Variants in ZC3H12B observed in about 807,000 individuals in gnomAD.
ZC3H12B encodes probable ribonuclease ZC3H12B.
ZC3H12B carries 7 observed loss-of-function variants against 43.9 expected under a neutral mutation model. The ratio of observed to expected loss-of-function variants is 0.16; its 90% CI spans 0.09 to 0.30. The LOEUF is 0.30. Ranked by LOEUF, ZC3H12B falls within the 10% of genes least tolerant of loss-of-function variation. The probability of loss-of-function intolerance (pLI) is 1.00; values close to 1 mark genes in which losing one functional copy is unlikely to be tolerated. For missense variants in ZC3H12B, 475 were observed against 670.2 expected, an observed-to-expected ratio of 0.71 and a Z score of 3.22; for synonymous variants, 222 against 241.7, an observed-to-expected ratio of 0.92 and a Z score of 0.76.
intron 3 of ZC3H12B, among the ~76,000 whole-genome samples, chrX:65,437,776 C>T (rs1391897682): frequency 1.8e-5 from 2 of 111,664 alleles, no homozygotes; most frequent in African/African-American, 3.3e-5. Context: ...TCCATTTTTG[C>T]TTTTATTGCC....
chrX:65,151,687 A>T, the ZC3H12B span, among the ~76,000 whole-genome samples: 3 of 111,721 alleles, frequency 2.7e-5, no homozygotes, highest in African/African-American at 9.8e-5. Context: ...TTCTGAAACT[A>T]TTCCAATCAA....
At chrX:65,138,596 A>G in the ZC3H12B span, among the ~76,000 whole-genome samples, 1 of 112,063 alleles carries the variant, frequency 8.9e-6, no homozygotes, top group African/African-American at 3.2e-5. Flanking sequence ...TTTTATTCAC[A>G]TATACCCAGC....
the ZC3H12B span, among the ~76,000 whole-genome samples, chrX:65,316,488 G>A: frequency 1.8e-5 from 2 of 111,562 alleles, no homozygotes; most frequent in African/African-American, 6.5e-5. Flanking sequence ...AAGAGATTGG[G>A]GCCTATATTA....
chrX:65,389,586 G>A (rs2066582520), intron 2 of ZC3H12B, among the ~76,000 whole-genome samples: 1 of 112,768 alleles, frequency 8.9e-6, no homozygotes, highest in Non-Finnish European at 1.9e-5. Flanking sequence ...GTGCTTCCCA[G>A]GTGAGGCGAT....
At chrX:65,373,649 C>A (rs1394848930) in intron 2 of ZC3H12B, among the ~76,000 whole-genome samples, 1 of 101,196 alleles carries the variant, frequency 9.9e-6, no homozygotes, top group Non-Finnish European at 2.0e-5. Flanking sequence ...GGACAGAAAA[C>A]CAAACACTGA....
At chrX:65,198,140 A>G in the ZC3H12B span, among the ~76,000 whole-genome samples, 1 of 112,141 alleles carries the variant, frequency 8.9e-6, no homozygotes, top group African/African-American at 3.2e-5. Flanking sequence ...AATTGGAGAA[A>G]CTTATCTAAA....
chrX:65,391,609 G>C (rs1450448191), intron 2 of ZC3H12B, among the ~76,000 whole-genome samples: 3 of 111,741 alleles, frequency 2.7e-5, no homozygotes, highest in African/African-American at 9.8e-5. Flanking sequence ...TGGAGAAACT[G>C]GTCTCTAGGT....
At chrX:65,193,365 G>T in the ZC3H12B span, among the ~76,000 whole-genome samples, 1 of 111,357 alleles carries the variant, frequency 9.0e-6, no homozygotes, top group African/African-American at 3.3e-5. Context: ...TTCAATCTTA[G>T]TTGGTTGTAT....
At chrX:65,188,278 A>C in the ZC3H12B span, among the ~76,000 whole-genome samples, 4 of 111,058 alleles carry the variant, frequency 3.6e-5, no homozygotes, top group Non-Finnish European at 5.7e-5. Flanking sequence ...ACAGGAGTGC[A>C]GCTATCTTTT....
the ZC3H12B span, among the ~76,000 whole-genome samples, chrX:65,106,895 T>C: frequency 9.0e-6 from 1 of 111,679 alleles, no homozygotes; most frequent in African/African-American, 3.2e-5. Context: ...CCAATTTTCA[T>C]ATAAGATTAT....
At chrX:65,347,389 GA>G in the ZC3H12B span, among the ~76,000 whole-genome samples, 1 of 111,021 alleles carries the variant, frequency 9.0e-6, no homozygotes, top group Non-Finnish European at 1.9e-5. Flanking sequence ...AAATTTACAA[GA>G]AAAAAACAAA....
At chrX:65,338,164 GTAT>G in the ZC3H12B span, among the ~76,000 whole-genome samples, 1 of 111,045 alleles carries the variant, frequency 9.0e-6, no homozygotes, top group African/African-American at 3.3e-5. Flanking sequence ...CTTGTAGCAG[GTAT>G]TATTCTTTCA....
At chrX:65,423,218 A>T (rs1056479669) in intron 3 of ZC3H12B, among the ~76,000 whole-genome samples, 8 of 111,447 alleles carry the variant, frequency 7.2e-5, no homozygotes, top group African/African-American at 2.6e-4. Flanking sequence ...GGCATGAGCC[A>T]CCGTGCCTGG....
At position 65,385,246 on chromosome X, in the gene ZC3H12B, G is replaced by A. The variant is rs1382006597; in HGVS notation, n.296-13347G>A. 3.6e-5 allele frequency among the ~76,000 whole-genome samples: 4 copies of A among 111,923 alleles called. No individual in the cohort carries two copies. In the East Asian group the frequency reaches 1.1e-3, roughly 31 times the overall value. Reference sequence around the variant, plus strand: ...TCTATAAATTACCTTGGGCAGTATGGCCATTTTCACGATTTTGATTCTTTC... The same window carrying A: ...TCTATAAATTACCTTGGGCAGTATGACCATTTTCACGATTTTGATTCTTTC... On this transcript the variant is annotated intron_variant and non_coding_transcript_variant, in intron 2 of 5. Coordinates refer to the ZC3H12B transcript ENST00000617377.
the ZC3H12B span, among the ~76,000 whole-genome samples, chrX:65,112,584 C>G: frequency 4.5e-5 from 5 of 111,666 alleles, no homozygotes; most frequent in African/African-American, 1.6e-4. Context: ...TTCTAAAATC[C>G]TAGGACCATT....
the ZC3H12B span, among the ~76,000 whole-genome samples, chrX:65,040,022 C>T: frequency 4.5e-5 from 5 of 111,610 alleles, no homozygotes; most frequent in Non-Finnish European, 9.4e-5. Flanking sequence ...TTCTTCCAGG[C>T]TGTCTTATTA....
At chrX:65,153,560 T>G in the ZC3H12B span, among the ~76,000 whole-genome samples, 14 of 111,673 alleles carry the variant, frequency 1.3e-4, no homozygotes, top group Admixed American at 8.6e-4. Context: ...GAATGGCAAT[T>G]ATTAAAAAGT....
chrX:65,161,500 C>A, the ZC3H12B span, among the ~76,000 whole-genome samples: 1 of 111,605 alleles, frequency 9.0e-6, no homozygotes, highest in Admixed American at 9.5e-5. Context: ...TGAATTGATC[C>A]CTTTACCATT....
the ZC3H12B span, among the ~76,000 whole-genome samples, chrX:65,327,832 T>A: frequency 5.4e-5 from 6 of 112,038 alleles, no homozygotes; most frequent in African/African-American, 1.9e-4. Context: ...AAACGAGCTA[T>A]AACCCCTTTT....
Sources: gnomAD v4.1 joint callset for allele counts (sites outside exome capture counted in the v4.1 genomes callset) on GRCh38, gnomAD v4.1.1 for gene constraint, MANE v1.5 for transcripts, NCBI Gene and HGNC (gene_info 2026-07-23, HGNC 2026-07-21) for gene names.